Variants in ARIH1 observed in about 807,000 individuals in gnomAD.
ARIH1 encodes ariadne RBR E3 ubiquitin protein ligase 1, also known as E3 ubiquitin-protein ligase ARIH1.
ARIH1 carries 8 observed loss-of-function variants against 85.0 expected under a neutral mutation model. The observed-to-expected ratio is 0.09, with a 90% CI of 0.06 to 0.17. The LOEUF is 0.17. Ranked by LOEUF, ARIH1 falls within the 10% of genes least tolerant of loss-of-function variation. ARIH1 has a pLI of 1.00. For missense variants in ARIH1, 311 were observed against 718.1 expected, an observed-to-expected ratio of 0.43 and a Z score of 6.48; for synonymous variants, 238 against 253.6, an observed-to-expected ratio of 0.94 and a Z score of 0.59.
chr15:72,500,844 A>G lies in ARIH1; in HGVS notation c.376-17223A>G, dbSNP rs189262994. Among the ~76,000 whole-genome samples, 26 of 152,354 alleles carry G rather than the reference A, an allele frequency of 1.7e-4. No homozygotes were observed. The Middle Eastern group carries it at 0.01, about 60-fold the overall frequency. ...AATCAGTAGTGACTGAAGTATGGCA[A>G]AGAACACTGTTAAATCTTGCAGTAC... On this transcript the variant is annotated intron_variant, in intron 1 of 13. Coordinates refer to ENST00000379887, the MANE Select transcript of ARIH1 (RefSeq NM_005744.5).
intron 3 of ARIH1, among the ~76,000 whole-genome samples, chr15:72,551,695 A>T (rs776399846): frequency 3.9e-5 from 6 of 152,350 alleles, no homozygotes; most frequent in Admixed American, 6.5e-5. Context: ...CTGTATGGCA[A>T]CAAAATATGA....
intron 12 of ARIH1, chr15:72,581,593 A>C (rs2064295410): frequency 6.3e-6 from 1 of 159,088 alleles, no homozygotes; most frequent in South Asian, 1.8e-4. Flanking sequence ...ATGACTAGAC[A>C]ATAAGACTGA....
chr15:72,508,990 G>T (rs991742604), intron 1 of ARIH1, among the ~76,000 whole-genome samples: 2 of 149,528 alleles, frequency 1.3e-5, no homozygotes, highest in African/African-American at 2.5e-5. Flanking sequence ...CACTGTGCCT[G>T]GCCCTTTTTT....
At position 72,597,208 on chromosome 15, in the gene ARIH1, G is replaced by A. The variant is rs533905518; in HGVS notation, c.*13916G>A. ...CACTTGAATGGTGGCTCAATCTGAT[G>A]TATATGAATTCTAGACTGGGGCTTC... On this transcript the variant is annotated 3_prime_UTR_variant, in exon 14 of 14. Transcript: ENST00000379887. 1 of 150,148 alleles carries A rather than the reference G, an allele frequency of 6.7e-6. No individual in the cohort carries two copies. The highest frequency in any genetic ancestry group is 2.0e-4 in the East Asian group (1 of 5,122). 9.3% of individuals were successfully genotyped at this position (150,148 alleles called of 1,614,324 possible).
intron 3 of ARIH1, among the ~76,000 whole-genome samples, chr15:72,552,896 T>C (rs977460962): frequency 5.9e-5 from 9 of 152,036 alleles, no homozygotes; most frequent in Middle Eastern, 3.4e-3. Flanking sequence ...TGCCTCAGCC[T>C]GCCAAGTAGC....
intron 11 of ARIH1, among the ~76,000 whole-genome samples, chr15:72,578,832 T>TC (rs1555489921): frequency 1.5e-4 from 22 of 150,946 alleles, no homozygotes; most frequent in Middle Eastern, 3.4e-3. Flanking sequence ...TTTTTTTTTT[T>TC]CAGAGGTAGA....
Position 72,563,379 on chromosome 15 carries a change from T to A in ARIH1, c.805-15T>A. The stretch of plus-strand genomic sequence containing the variant: ...CAGCCAGCTGTCATTTTTTATTTTC[T>A]AACTTGTATTTCAGTGCAATCGACT... On this transcript the variant is annotated splice_polypyrimidine_tract_variant and intron_variant, in intron 6 of 13. Coordinates refer to ENST00000379887, the MANE Select transcript of ARIH1 (RefSeq NM_005744.5). 1 of 1,609,300 alleles carries A rather than the reference T, an allele frequency of 6.2e-7. No individual in the cohort carries two copies. The highest frequency in any genetic ancestry group is 8.5e-7 in the Non-Finnish European group (1 of 1,175,634).
At chr15:72,581,993 G>A in intron 12 of ARIH1, 82 bp from the exon 13 acceptor site, 2 of 901,064 alleles carry the variant, frequency 2.2e-6, no homozygotes, top group South Asian at 3.0e-5. Flanking sequence ...GTTGAGAGCA[G>A]TCTGTAGTCA....
chr15:72,490,006 G>A (rs1378597270), intron 1 of ARIH1, among the ~76,000 whole-genome samples: 2 of 152,060 alleles, frequency 1.3e-5, no homozygotes, highest in East Asian at 1.9e-4. Context: ...CTGTGAAAAG[G>A]ATGATAATAA....
intron 1 of ARIH1, among the ~76,000 whole-genome samples, chr15:72,484,075 A>T (rs1368782250): frequency 6.6e-6 from 1 of 151,430 alleles, no homozygotes; most frequent in African/African-American, 2.4e-5. Context: ...CGGGAGGCTG[A>T]GGCAGGAGAA....
At chr15:72,491,421 T>TA (rs1285962354) in intron 1 of ARIH1, among the ~76,000 whole-genome samples, 1 of 152,142 alleles carries the variant, frequency 6.6e-6, no homozygotes, top group African/African-American at 2.4e-5. Flanking sequence ...AAAAAGCTCT[T>TA]ATCTCATTAT....
Position 72,516,766 on chromosome 15 carries a change from C to T in ARIH1, c.376-1301C>T, listed in dbSNP as rs1022783197. 3.9e-5 allele frequency among the ~76,000 whole-genome samples: 6 copies of T among 152,316 alleles called. No individual in the cohort carries two copies. In the East Asian group the frequency reaches 7.7e-4, roughly 20 times the overall value. Reference sequence around the variant, plus strand: ...GAAAACAATTGACATACATTTCTTTCATGACACTATTTTTATACAAGATTA... The same window carrying T: ...GAAAACAATTGACATACATTTCTTTTATGACACTATTTTTATACAAGATTA... On this transcript the variant is annotated intron_variant, in intron 1 of 13. Transcript: ENST00000379887.
At chr15:72,475,367 G>T (rs1228253817) in intron 1 of ARIH1, among the ~76,000 whole-genome samples, 1 of 152,224 alleles carries the variant, frequency 6.6e-6, no homozygotes, top group African/African-American at 2.4e-5. Context: ...AGGTGGGGTG[G>T]AGAAGAGGAG....
intron 3 of ARIH1, among the ~76,000 whole-genome samples, chr15:72,552,948 T>C (rs1296361412): frequency 6.6e-6 from 1 of 152,002 alleles, no homozygotes; most frequent in Non-Finnish European, 1.5e-5. Flanking sequence ...CTAATTTTTG[T>C]ATTTATAGTA....
rs1462212509 is a variant in ARIH1, at chr15:72,593,053, G to A, written c.*9761G>A. 2 of 152,106 alleles carry A rather than the reference G, an allele frequency of 1.3e-5. No homozygotes were observed. The highest frequency in any genetic ancestry group is 2.4e-5 in the African/African-American group (1 of 41,430). The allele number at this position is 152,106 out of a possible 1,614,324, so 9.4% of individuals were successfully genotyped here. ...TCAGTGATGTATGAGAGTTACAGTT[G>A]CTTCACATGTCTGTCAACATTTACA... is the stretch of plus-strand genomic sequence containing the variant. On this transcript the variant is annotated 3_prime_UTR_variant, in exon 14 of 14. Coordinates refer to ENST00000379887, the MANE Select transcript of ARIH1 (RefSeq NM_005744.5).
chr15:72,540,918 G>A (rs2064104236), intron 2 of ARIH1, among the ~76,000 whole-genome samples: 1 of 152,140 alleles, frequency 6.6e-6, no homozygotes, highest in African/African-American at 2.4e-5. Flanking sequence ...TAAAGCACAG[G>A]AATTCAGATT....
chr15:72,505,928 G>A (rs1325141431), intron 1 of ARIH1, among the ~76,000 whole-genome samples: 1 of 152,054 alleles, frequency 6.6e-6, no homozygotes, highest in Admixed American at 6.5e-5. Flanking sequence ...TAGAGATGGG[G>A]TTTCACCATG....
At chr15:72,538,841 G>A (rs922880555) in intron 2 of ARIH1, among the ~76,000 whole-genome samples, 1 of 152,208 alleles carries the variant, frequency 6.6e-6, no homozygotes, top group Admixed American at 6.5e-5. Context: ...AATCTACTGA[G>A]AAACTGCTTA....
chr15:72,509,452 T>A (rs1268235704), intron 1 of ARIH1, among the ~76,000 whole-genome samples: 1 of 152,192 alleles, frequency 6.6e-6, no homozygotes, highest in Non-Finnish European at 1.5e-5. Flanking sequence ...ACCACCATAG[T>A]TAATTTACAG....
Sources: gnomAD v4.1 joint callset for allele counts (sites outside exome capture counted in the v4.1 genomes callset) on GRCh38, gnomAD v4.1.1 for gene constraint, MANE v1.5 for transcripts, NCBI Gene and HGNC (gene_info 2026-07-23, HGNC 2026-07-21) for gene names.